CCDC122: variants seen among roughly 807,000 people sequenced by gnomAD.
CCDC122 encodes coiled-coil domain containing 122.
CCDC122 carries 38 observed loss-of-function variants against 37.0 expected under a neutral mutation model. The ratio of observed to expected loss-of-function variants is 1.03; its 90% CI spans 0.79 to 1.35. The LOEUF is 1.35. Among genes scored for constraint, CCDC122 ranks in the 40% most tolerant of loss-of-function variants. The probability of loss-of-function intolerance (pLI) is 0.00; values close to 1 mark genes in which losing one functional copy is unlikely to be tolerated. For synonymous variants in CCDC122, 83 were observed against 95.6 expected (o/e 0.87, Z 0.77); for missense variants, 305 against 310.0 (o/e 0.98, Z 0.12).
downstream of CCDC122, among the ~76,000 whole-genome samples, chr13:43,832,983 T>C (rs1429187397): frequency 6.6e-6 from 1 of 152,222 alleles, no homozygotes; most frequent in Non-Finnish European, 1.5e-5. Flanking sequence ...ACAGTGTTTT[T>C]GGAAAATAGC....
At chr13:43,840,445 T>C (rs1953309324) in intron 6 of CCDC122, among the ~76,000 whole-genome samples, 2 of 152,252 alleles carry the variant, frequency 1.3e-5, no homozygotes, top group East Asian at 1.9e-4. Context: ...TTGTTACATA[T>C]GTATACATGT....
chr13:43,851,567 G>A (rs951458873), intron 6 of CCDC122, among the ~76,000 whole-genome samples: 1 of 152,138 alleles, frequency 6.6e-6, no homozygotes, highest in Non-Finnish European at 1.5e-5. Context: ...CCGCAGGGAG[G>A]CAAGCACCCC....
chr13:43,860,093 CATT>C (rs755434337), intron 4 of CCDC122, 23 bp from the exon 5 acceptor site: 23 of 1,255,064 alleles, frequency 1.8e-5, no homozygotes, highest in Non-Finnish European at 2.3e-5. Flanking sequence ...TTAACATTAT[CATT>C]ATTAATTCAA....
chr13:43,823,736 G>C (rs539556435), downstream of CCDC122, among the ~76,000 whole-genome samples: 8 of 152,384 alleles, frequency 5.2e-5, no homozygotes, highest in South Asian at 1.4e-3. Flanking sequence ...GGGCAGCACT[G>C]AGTTCAGTGT....
chr13:43,827,804 A>C (rs1953053173), intron 3 of CCDC122, among the ~76,000 whole-genome samples: 1 of 152,176 alleles, frequency 6.6e-6, no homozygotes, highest in African/African-American at 2.4e-5. Flanking sequence ...AAACTGTGGC[A>C]TTGCAGAGAA....
rs1161941096 is a variant in CCDC122 at position 43,836,649 on chromosome 13, G to T, written c.*631C>A. 2 of 151,676 alleles carry T rather than the reference G, an allele frequency of 1.3e-5. No homozygotes were observed. The highest frequency in any genetic ancestry group is 2.4e-5 in the African/African-American group (1 of 41,324). 9.4% of individuals were successfully genotyped at this position (151,676 alleles called of 1,614,324 possible). The stretch of plus-strand genomic sequence containing the variant: ...GTGGATCATGAGGTCAGGAGATCGA[G>T]ACCATCCTGGCTAACAAGGTGAAAC... On this transcript the variant is annotated 3_prime_UTR_variant, in exon 7 of 7. Transcript: ENST00000444614.
chr13:43,874,071 G>A (rs1306983133), intron 2 of CCDC122, among the ~76,000 whole-genome samples: 2 of 152,116 alleles, frequency 1.3e-5, no homozygotes, highest in Non-Finnish European at 2.9e-5. Flanking sequence ...CGATCTTTCT[G>A]GGAAGATATG....
At chr13:43,842,717 G>GT (rs1429684620) in intron 6 of CCDC122, among the ~76,000 whole-genome samples, 1 of 151,836 alleles carries the variant, frequency 6.6e-6, no homozygotes, top group Non-Finnish European at 1.5e-5. Context: ...TTTTATTGTA[G>GT]TTTTGCACAT....
chr13:43,840,165 T>C lies in CCDC122; in HGVS notation c.673-2736A>G, dbSNP rs185561748. Among the ~76,000 whole-genome samples, 49 of 152,264 alleles carry C rather than the reference T, an allele frequency of 3.2e-4. No individual in the cohort carries two copies. In the East Asian group the frequency reaches 7.9e-3, roughly 25 times the overall value. ...TTGAGTTAGGTTGCAGTTCATCCACTAGGACTCAAATATAGATGTACAGAG... is the reference window on the plus strand; with the variant it reads ...TTGAGTTAGGTTGCAGTTCATCCACCAGGACTCAAATATAGATGTACAGAG... On this transcript the variant is annotated intron_variant, in intron 6 of 6. Transcript: ENST00000444614.
At chr13:43,840,211 G>T (rs1276864111) in intron 6 of CCDC122, among the ~76,000 whole-genome samples, 1 of 152,082 alleles carries the variant, frequency 6.6e-6, no homozygotes, top group African/African-American at 2.4e-5. Context: ...GCCATATTTT[G>T]TTCGCTTTAA....
At chr13:43,868,567 G>A (rs1465973571) in intron 4 of CCDC122, 127 bp downstream of exon 4, 2 of 502,986 alleles carry the variant, frequency 4.0e-6, no homozygotes, top group African/African-American at 4.0e-5. Flanking sequence ...CTTACTTAGG[G>A]AGAACAGAAT....
intron 4 of CCDC122, among the ~76,000 whole-genome samples, chr13:43,863,814 T>C (rs567209043): frequency 2.0e-5 from 3 of 152,312 alleles, no homozygotes; most frequent in South Asian, 4.1e-4. Context: ...CCACCAAGAA[T>C]ACCTTAGTTT....
chr13:43,823,474 G>T (rs561992489), downstream of CCDC122, among the ~76,000 whole-genome samples: 1 of 152,318 alleles, frequency 6.6e-6, no homozygotes, highest in African/African-American at 2.4e-5. Context: ...CCATTTACCT[G>T]ACAAGTTCCC....
intron 6 of CCDC122, among the ~76,000 whole-genome samples, chr13:43,841,258 G>A (rs1953341186): frequency 6.6e-6 from 1 of 152,152 alleles, no homozygotes; most frequent in South Asian, 2.1e-4. Context: ...ACACCTAGGT[G>A]GAGAATTGTT....
At chr13:43,822,964 C>A (rs1200347468), downstream of CCDC122, among the ~76,000 whole-genome samples, 1 of 152,162 alleles carries the variant, frequency 6.6e-6, no homozygotes, top group African/African-American at 2.4e-5. Flanking sequence ...GCCTAAGGTG[C>A]AAGACAAAGT....
chr13:43,848,963 T>C (rs1449128917), intron 6 of CCDC122: 9 of 965,876 alleles, frequency 9.3e-6, no homozygotes, highest in African/African-American at 1.8e-5. Flanking sequence ...CTGGTTGTTT[T>C]GAGAAGAAGG....
chr13:43,826,910 G>A (rs1992698), intron 3 of CCDC122, among the ~76,000 whole-genome samples: 136,344 of 152,138 alleles, frequency 0.9, 61,928 homozygotes, highest in South Asian at 0.98. Context: ...ATTGCCCAAA[G>A]TCATCTTAAA....
chr13:43,841,578 T>A (rs970714440), intron 6 of CCDC122, among the ~76,000 whole-genome samples: 11 of 152,224 alleles, frequency 7.2e-5, no homozygotes, highest in African/African-American at 2.4e-4. Flanking sequence ...AGCCCATTTT[T>A]AAAAAAATGA....
At chr13:43,839,832 A>G (rs1217017434) in intron 6 of CCDC122, among the ~76,000 whole-genome samples, 2 of 152,184 alleles carry the variant, frequency 1.3e-5, no homozygotes, top group Non-Finnish European at 2.9e-5. Context: ...AAATTTAAAG[A>G]GTTTAATTGA....
Sources: gnomAD v4.1 joint callset for allele counts (sites outside exome capture counted in the v4.1 genomes callset) on GRCh38, gnomAD v4.1.1 for gene constraint, MANE v1.5 for transcripts, NCBI Gene and HGNC (gene_info 2026-07-23, HGNC 2026-07-21) for gene names.